MEIKIN: variants seen among roughly 807,000 people sequenced by gnomAD.
MEIKIN encodes meiosis-specific kinetochore protein.
chr5:131,922,561 G>T (rs759420196), intron 5 of MEIKIN, among the ~76,000 whole-genome samples: 6 of 151,904 alleles, frequency 3.9e-5, no homozygotes, highest in Admixed American at 2.0e-4. Context: ...CACAGATTTT[G>T]GTATCCAAGG....
intron 11 of MEIKIN, among the ~76,000 whole-genome samples, chr5:131,821,463 T>C (rs1482099301): frequency 6.6e-6 from 1 of 152,148 alleles, no homozygotes; most frequent in Admixed American, 6.5e-5. Flanking sequence ...GAAAAATGTG[T>C]ATTCTGAAGC....
intron 10 of MEIKIN, among the ~76,000 whole-genome samples, 173 bp from the exon 11 acceptor site, chr5:131,851,556 T>C (rs1420896590): frequency 1.3e-5 from 2 of 152,220 alleles, no homozygotes; most frequent in Non-Finnish European, 2.9e-5. Flanking sequence ...TGGACATAAC[T>C]CTTCAAAAGA....
At chr5:131,830,359 T>G (rs1380613973) in intron 11 of MEIKIN, among the ~76,000 whole-genome samples, 2 of 152,196 alleles carry the variant, frequency 1.3e-5, no homozygotes, top group African/African-American at 2.4e-5. Context: ...ATCGTGCCAC[T>G]GCACTCCAGC....
At chr5:131,814,475 C>T (rs1235280706) in intron 12 of MEIKIN, among the ~76,000 whole-genome samples, 1 of 151,950 alleles carries the variant, frequency 6.6e-6, no homozygotes, top group Non-Finnish European at 1.5e-5. Flanking sequence ...GATGGTTTCA[C>T]AATGTTGCCC....
At chr5:131,819,197 T>C (rs1469039006) in intron 11 of MEIKIN, among the ~76,000 whole-genome samples, 1 of 152,020 alleles carries the variant, frequency 6.6e-6, no homozygotes, top group Non-Finnish European at 1.5e-5. Context: ...GTTTGCATGA[T>C]TTATTGAGTT....
intron 8 of MEIKIN, among the ~76,000 whole-genome samples, chr5:131,896,512 G>A (rs973636532): frequency 2.0e-5 from 3 of 152,176 alleles, no homozygotes; most frequent in East Asian, 1.9e-4. Flanking sequence ...TTGTGTGGGA[G>A]TCTAAGTCTC....
chr5:131,808,862 G>A (rs1772896399), intron 12 of MEIKIN, among the ~76,000 whole-genome samples: 1 of 152,066 alleles, frequency 6.6e-6, no homozygotes, highest in South Asian at 2.1e-4. Context: ...GATTGCTTGA[G>A]CCCAGGAGTA....
At chr5:131,881,100 G>C (rs941839425) in intron 8 of MEIKIN, among the ~76,000 whole-genome samples, 19 of 152,128 alleles carry the variant, frequency 1.2e-4, no homozygotes, top group African/African-American at 4.6e-4. Flanking sequence ...CTAATACCAA[G>C]ATTTGGAAAT....
At chr5:131,891,679 TC>T (rs1279575542) in intron 8 of MEIKIN, among the ~76,000 whole-genome samples, 17 of 152,294 alleles carry the variant, frequency 1.1e-4, no homozygotes, top group African/African-American at 3.4e-4. Context: ...AATTTGCCAG[TC>T]TGTGTCTTTT....
chr5:131,931,958 G>A (rs554023811), intron 5 of MEIKIN, among the ~76,000 whole-genome samples: 1 of 152,300 alleles, frequency 6.6e-6, no homozygotes, highest in African/African-American at 2.4e-5. Context: ...TATGGCCTAG[G>A]TGGGGCTTGT....
chr5:131,866,666 G>A (rs765729780), intron 9 of MEIKIN, among the ~76,000 whole-genome samples: 3 of 152,180 alleles, frequency 2.0e-5, no homozygotes, highest in Non-Finnish European at 2.9e-5. Context: ...TAGGATTGCT[G>A]TCTGTGGCTG....
At chr5:131,872,614 C>A (rs574224248) in intron 9 of MEIKIN, among the ~76,000 whole-genome samples, 2,158 of 152,260 alleles carry the variant, frequency 0.014, 40 homozygotes, top group African/African-American at 0.046. Flanking sequence ...TCTAGCAAGG[C>A]AGGCCAACAT....
intron 12 of MEIKIN, among the ~76,000 whole-genome samples, chr5:131,810,373 G>A (rs1249274243): frequency 6.6e-6 from 1 of 152,154 alleles, no homozygotes; most frequent in African/African-American, 2.4e-5. Context: ...TGCAGGTTTT[G>A]TCTGATTAGC....
chr5:131,851,830 G>A (rs1026011222), intron 10 of MEIKIN, among the ~76,000 whole-genome samples: 6 of 152,172 alleles, frequency 3.9e-5, no homozygotes, highest in African/African-American at 4.8e-5. Context: ...CAGGATGCAC[G>A]TAGGTTATAT....
At chr5:131,861,870 T>A (rs1048995559) in intron 9 of MEIKIN, among the ~76,000 whole-genome samples, 6 of 152,182 alleles carry the variant, frequency 3.9e-5, no homozygotes, top group Non-Finnish European at 8.8e-5. Flanking sequence ...TTGTTGAGGA[T>A]TTTTGTGTCT....
chr5:131,869,853 T>A (rs1750454574), intron 9 of MEIKIN, among the ~76,000 whole-genome samples: 1 of 152,214 alleles, frequency 6.6e-6, no homozygotes, highest in Non-Finnish European at 1.5e-5. Context: ...GGTTTCTGTT[T>A]TGGTAAGTTG....
At chr5:131,944,799 C>A in intron 2 of MEIKIN, 47 bp from the exon 3 acceptor site, 1 of 399,036 alleles carries the variant, frequency 2.5e-6, no homozygotes, top group Non-Finnish European at 4.4e-6. Context: ...GGATTTGGCT[C>A]TCCACGTCTC....
intron 9 of MEIKIN, among the ~76,000 whole-genome samples, chr5:131,874,763 T>G (rs957749217): frequency 6.6e-6 from 1 of 152,158 alleles, no homozygotes; most frequent in Non-Finnish European, 1.5e-5. Flanking sequence ...ACTGGCAAAC[T>G]GAATCCAGCA....
At chr5:131,816,478 C>T (rs1406753017) in intron 12 of MEIKIN, among the ~76,000 whole-genome samples, 1 of 152,200 alleles carries the variant, frequency 6.6e-6, no homozygotes, top group Non-Finnish European at 1.5e-5. Context: ...TATCTGTAGA[C>T]TGCATCATTG....
Sources: allele counts gnomAD v4.1 joint callset (sites outside exome capture counted in the v4.1 genomes callset), GRCh38; gene constraint gnomAD v4.1.1; transcripts MANE v1.5; gene names NCBI Gene and HGNC (gene_info 2026-07-23, HGNC 2026-07-21).